Variants in NRG3 observed in about 807,000 individuals in gnomAD.
NRG3 encodes the protein neuregulin 3, also known as pro-neuregulin-3, membrane-bound isoform.
Under a neutral mutation model 66.9 loss-of-function variants are expected in NRG3, and 31 were observed. The observed-to-expected ratio is 0.46, with a 90% CI of 0.35 to 0.63. NRG3 has a LOEUF of 0.63. Among genes scored for constraint, NRG3 ranks in the 20% least tolerant of loss-of-function variants. The pLI is 0.00. For missense variants in NRG3, 910 were observed against 878.9 expected (o/e 1.04, Z -0.45); for synonymous variants, 393 against 359.4 (o/e 1.09, Z -1.06).
chr10:82,061,743 A>T (rs1769140846), intron 1 of NRG3, among the ~76,000 whole-genome samples: 1 of 151,590 alleles, frequency 6.6e-6, no homozygotes. Context: ...CCATTTCTGG[A>T]TTAAGCCTTC....
Position 82,985,984 on chromosome 10 carries a change from C to CA in NRG3, c.*380dup, listed in dbSNP as rs1853407853. Reference sequence around the variant, plus strand: ...GAGAGCTGCATCCCGCAGGTGGATGCACCAGTGAGCAGGTGGCTCTTGCCA... The same window carrying CA: ...GAGAGCTGCATCCCGCAGGTGGATGCAACCAGTGAGCAGGTGGCTCTTGCCA... On this transcript the variant is annotated 3_prime_UTR_variant, in exon 9 of 9. Coordinates refer to ENST00000372141, the MANE Select transcript of NRG3 (RefSeq NM_001010848.4). The CA allele has an allele frequency of 1.1e-5, 2 of 176,732 alleles. No homozygotes were observed. The highest frequency in any genetic ancestry group is 4.8e-5 in the African/African-American group (2 of 41,746). 10.9% of individuals were successfully genotyped at this position (176,732 alleles called of 1,614,324 possible). A position where few individuals can be genotyped will look rare whatever the true frequency, so the allele number is the denominator to read the frequency against.
intron 1 of NRG3, among the ~76,000 whole-genome samples, chr10:82,111,263 T>C (rs1315374193): frequency 6.6e-6 from 1 of 152,222 alleles, no homozygotes; most frequent in African/African-American, 2.4e-5. Flanking sequence ...CAGCTTACAC[T>C]GAGTTTGTGG....
At chr10:81,997,867 C>CTTT (rs58891996) in intron 1 of NRG3, among the ~76,000 whole-genome samples, 1 of 140,822 alleles carries the variant, frequency 7.1e-6, no homozygotes. Flanking sequence ...AAAGGCCCAA[C>CTTT]TTTTTTTTTT....
intron 1 of NRG3, among the ~76,000 whole-genome samples, chr10:82,267,751 C>T (rs2078376682): frequency 6.6e-6 from 1 of 152,094 alleles, no homozygotes; most frequent in South Asian, 2.1e-4. Context: ...CTAATGGAAA[C>T]CTATTACTCA....
At chr10:82,101,232 T>C (rs886576416) in intron 1 of NRG3, among the ~76,000 whole-genome samples, 1 of 151,926 alleles carries the variant, frequency 6.6e-6, no homozygotes, top group Admixed American at 6.6e-5. Flanking sequence ...TCAATCTGTC[T>C]AGAGTTTCAT....
chr10:81,959,645 G>A (rs1454211471), intron 1 of NRG3, among the ~76,000 whole-genome samples: 1 of 151,830 alleles, frequency 6.6e-6, no homozygotes, highest in Non-Finnish European at 1.5e-5. Flanking sequence ...TTGCAAATAT[G>A]TTCTCCAAGT....
chr10:82,338,612 A>G (rs1028347356), intron 1 of NRG3, among the ~76,000 whole-genome samples: 4 of 152,342 alleles, frequency 2.6e-5, no homozygotes, highest in Admixed American at 2.6e-4. Context: ...TTTAATTGGC[A>G]TCATACAGCG....
intron 1 of NRG3, among the ~76,000 whole-genome samples, chr10:82,208,309 C>T (rs1300902234): frequency 6.6e-6 from 1 of 152,052 alleles, no homozygotes; most frequent in Non-Finnish European, 1.5e-5. Flanking sequence ...AGAGTTGCAC[C>T]TGGATTTCAT....
chr10:82,956,333 T>A (rs1850046893), intron 5 of NRG3, among the ~76,000 whole-genome samples: 1 of 151,938 alleles, frequency 6.6e-6, no homozygotes, highest in Non-Finnish European at 1.5e-5. Flanking sequence ...ATGCCTCTCA[T>A]GAGAGAGCTA....
intron 1 of NRG3, among the ~76,000 whole-genome samples, chr10:81,883,881 G>A (rs1479683576): frequency 6.6e-6 from 1 of 152,080 alleles, no homozygotes; most frequent in Non-Finnish European, 1.5e-5. Context: ...CAGATAATCA[G>A]TCTTGGAAGG....
At chr10:81,918,631 C>A (rs920466553) in intron 1 of NRG3, among the ~76,000 whole-genome samples, 1 of 152,134 alleles carries the variant, frequency 6.6e-6, no homozygotes, top group African/African-American at 2.4e-5. Flanking sequence ...GCATGCACCT[C>A]TTTTCTTTGA....
At chr10:82,020,537 A>C (rs2062012439) in intron 1 of NRG3, among the ~76,000 whole-genome samples, 2 of 152,132 alleles carry the variant, frequency 1.3e-5, no homozygotes, top group Admixed American at 1.3e-4. Context: ...ACACGATCTC[A>C]ATAAAATTTA....
chr10:82,711,709 A>G (rs2056678369), intron 2 of NRG3, among the ~76,000 whole-genome samples: 2 of 151,946 alleles, frequency 1.3e-5, no homozygotes, highest in South Asian at 4.1e-4. Context: ...TGACGATTTG[A>G]TTTCCTCTGT....
intron 2 of NRG3, among the ~76,000 whole-genome samples, chr10:82,458,308 C>G (rs1266260024): frequency 2.0e-5 from 3 of 152,188 alleles, no homozygotes; most frequent in African/African-American, 7.2e-5. Context: ...AAGAGTGTTT[C>G]CCTCTTTGGC....
At chr10:82,950,715 A>G (rs1352652039) in intron 4 of NRG3, among the ~76,000 whole-genome samples, 2 of 152,206 alleles carry the variant, frequency 1.3e-5, no homozygotes, top group Admixed American at 6.5e-5. Context: ...TAACAGAGAA[A>G]CTGCTGGGTT....
rs144552200 is a variant in NRG3 at position 82,792,297 on chromosome 10, T to A, written c.1027+53647T>A. 2.0e-5 allele frequency among the ~76,000 whole-genome samples: 3 copies of A among 152,338 alleles called. No homozygotes were observed. In the East Asian group the frequency reaches 5.8e-4, roughly 29 times the overall value. On this transcript the variant is annotated intron_variant, in intron 3 of 8. Transcript: ENST00000372141. ...ATCTGGAAGTACTCTTCTTCATTGA[T>A]AGGTCTTAAAAGTTTTGGCATTTCA...
intron 2 of NRG3, among the ~76,000 whole-genome samples, chr10:82,515,773 A>G (rs1425909210): frequency 6.6e-6 from 1 of 152,120 alleles, no homozygotes; most frequent in African/African-American, 2.4e-5. Flanking sequence ...ACCATTTTGA[A>G]AGTGGCTCCA....
intron 1 of NRG3, among the ~76,000 whole-genome samples, chr10:82,094,559 G>T (rs1373103015): frequency 6.6e-6 from 1 of 152,124 alleles, no homozygotes; most frequent in Admixed American, 6.6e-5. Flanking sequence ...TATCACAATA[G>T]GAAAAGGAAA....
intron 1 of NRG3, among the ~76,000 whole-genome samples, chr10:81,950,198 C>G (rs1190928249): frequency 6.6e-6 from 1 of 152,090 alleles, no homozygotes; most frequent in African/African-American, 2.4e-5. Context: ...TTTTTCACTC[C>G]CATCTTCACC....
Sources: gnomAD v4.1 joint callset for allele counts (sites outside exome capture counted in the v4.1 genomes callset) on GRCh38, gnomAD v4.1.1 for gene constraint, MANE v1.5 for transcripts, NCBI Gene and HGNC (gene_info 2026-07-23, HGNC 2026-07-21) for gene names.